GNAQ: variants seen among roughly 807,000 people sequenced by gnomAD.
GNAQ encodes the protein guanine nucleotide-binding protein G(q) subunit alpha.
Under a neutral mutation model 43.9 loss-of-function variants are expected in GNAQ, and 8 were observed. The ratio of observed to expected loss-of-function variants is 0.18; its 90% confidence interval spans 0.11 to 0.33. The LOEUF is 0.33. Ranked by LOEUF, GNAQ falls within the 10% of genes least tolerant of loss-of-function variation. The pLI is 1.00. For missense variants in GNAQ, 158 were observed against 450.8 expected (o/e 0.35, Z 5.88); for synonymous variants, 155 against 170.7 (o/e 0.91, Z 0.71).
chr9:78,019,581 C>G (rs892346463), intron 1 of GNAQ, among the ~76,000 whole-genome samples: 1 of 152,076 alleles, frequency 6.6e-6, no homozygotes, highest in Non-Finnish European at 1.5e-5. Context: ...TCAAATTAAC[C>G]AAAACATATG....
chr9:77,828,783 C>T (rs535995228), intron 2 of GNAQ, among the ~76,000 whole-genome samples: 20 of 152,094 alleles, frequency 1.3e-4, no homozygotes, highest in Non-Finnish European at 2.5e-4. Context: ...AGTTGGAAGG[C>T]CTGGGGGAGC....
At chr9:77,779,549 A>C (rs1826355819) in intron 5 of GNAQ, among the ~76,000 whole-genome samples, 1 of 151,726 alleles carries the variant, frequency 6.6e-6, no homozygotes, top group Non-Finnish European at 1.5e-5. Context: ...GAAAATAAGT[A>C]ATAAAATTTA....
At chr9:77,798,632 T>C (rs1371286911) in intron 3 of GNAQ, among the ~76,000 whole-genome samples, 1 of 152,160 alleles carries the variant, frequency 6.6e-6, no homozygotes, top group Non-Finnish European at 1.5e-5. Flanking sequence ...GTCCTCCATA[T>C]AAAATGGAAC....
At chr9:77,799,705 T>G (rs1826713128) in intron 3 of GNAQ, among the ~76,000 whole-genome samples, 1 of 152,216 alleles carries the variant, frequency 6.6e-6, no homozygotes, top group Non-Finnish European at 1.5e-5. Context: ...ATAAAATTAC[T>G]GCTTCTTTGG....
chr9:77,773,484 T>C (rs1826260825), intron 5 of GNAQ, among the ~76,000 whole-genome samples: 1 of 152,244 alleles, frequency 6.6e-6, no homozygotes, highest in Non-Finnish European at 1.5e-5. Flanking sequence ...CTTCACATTA[T>C]GAGGGAGGCA....
intron 1 of GNAQ, among the ~76,000 whole-genome samples, chr9:77,960,817 TAAG>T (rs1327528979): frequency 6.6e-6 from 1 of 151,910 alleles, no homozygotes; most frequent in Non-Finnish European, 1.5e-5. Context: ...AACAGAAAAA[TAAG>T]AAACTTAAGA....
At chr9:78,008,593 TCA>T (rs1823734618) in intron 1 of GNAQ, among the ~76,000 whole-genome samples, 3 of 151,376 alleles carry the variant, frequency 2.0e-5, no homozygotes, top group African/African-American at 7.4e-5. Flanking sequence ...TCATTTCATT[TCA>T]TTTCATTTCA....
At chr9:77,887,940 G>A (rs1828339038) in intron 2 of GNAQ, among the ~76,000 whole-genome samples, 1 of 152,150 alleles carries the variant, frequency 6.6e-6, no homozygotes, top group African/African-American at 2.4e-5. Flanking sequence ...AATTATTCTA[G>A]ATCAGTAGTT....
At chr9:77,752,292 T>C (rs1825824803) in intron 5 of GNAQ, among the ~76,000 whole-genome samples, 1 of 152,212 alleles carries the variant, frequency 6.6e-6, no homozygotes, top group African/African-American at 2.4e-5. Context: ...CTTGAAAAGC[T>C]GAAAAAGGTT....
chr9:77,908,628 T>C (rs1336147001), intron 2 of GNAQ, among the ~76,000 whole-genome samples: 1 of 152,216 alleles, frequency 6.6e-6, no homozygotes, highest in East Asian at 1.9e-4. Context: ...TCTCCTCACA[T>C]TTCCGACAAG....
intron 2 of GNAQ, among the ~76,000 whole-genome samples, chr9:77,869,027 G>T (rs892527214): frequency 6.6e-6 from 1 of 151,852 alleles, no homozygotes; most frequent in Non-Finnish European, 1.5e-5. Context: ...AAACACCAGG[G>T]GACAAGTTAT....
chr9:78,007,239 T>C (rs1040749950), intron 1 of GNAQ, among the ~76,000 whole-genome samples: 5 of 150,992 alleles, frequency 3.3e-5, no homozygotes, highest in African/African-American at 1.2e-4. Context: ...TTGTCCCTTA[T>C]CTTTCATTTT....
chr9:77,773,217 A>T (rs1826253768), intron 5 of GNAQ, among the ~76,000 whole-genome samples: 1 of 152,238 alleles, frequency 6.6e-6, no homozygotes, highest in African/African-American at 2.4e-5. Flanking sequence ...TTATTTAACA[A>T]ATAATGATTA....
At chr9:77,898,002 TG>T (rs1214704764) in intron 2 of GNAQ, among the ~76,000 whole-genome samples, 1 of 150,444 alleles carries the variant, frequency 6.6e-6, no homozygotes, top group Non-Finnish European at 1.5e-5. Flanking sequence ...GAAAGTGAAT[TG>T]TAAGAAGGGC....
intron 5 of GNAQ, among the ~76,000 whole-genome samples, chr9:77,779,908 C>T (rs1004517337): frequency 4.6e-5 from 7 of 151,922 alleles, no homozygotes; most frequent in South Asian, 2.1e-4. Flanking sequence ...ATTCAGTAAC[C>T]GAAATGGAAC....
At chr9:77,961,531 AG>A (rs1308968747) in intron 1 of GNAQ, among the ~76,000 whole-genome samples, 4 of 152,216 alleles carry the variant, frequency 2.6e-5, no homozygotes, top group Non-Finnish European at 4.4e-5. Flanking sequence ...GGGAACACAT[AG>A]TCTGAACAAT....
intron 1 of GNAQ, among the ~76,000 whole-genome samples, chr9:77,957,430 CAGCTCT>C (rs749166593): frequency 2.6e-5 from 4 of 152,082 alleles, no homozygotes; most frequent in Non-Finnish European, 5.9e-5. Context: ...ACATCAGTTA[CAGCTCT>C]TGCTTGCCCC....
In GNAQ at chr9:77,801,793, T is replaced by A. The variant is rs563482068; in HGVS notation, c.477-4145A>T. ...ACTAAACAAAAGACATACAAACTAT[T>A]TGCTCCTAGAGTAAAATCTGGGAAG... is the stretch of plus-strand genomic sequence containing the variant. On this transcript the variant is annotated intron_variant, in intron 3 of 6. Transcript: ENST00000286548. Among the ~76,000 whole-genome samples, 11 of 152,256 alleles carry A rather than the reference T, an allele frequency of 7.2e-5. No homozygotes were observed. The South Asian group carries it at 2.1e-3, about 29-fold the overall frequency.
At chr9:78,027,557 CCTGA>C (rs1366157248) in intron 1 of GNAQ, among the ~76,000 whole-genome samples, 3 of 152,002 alleles carry the variant, frequency 2.0e-5, no homozygotes, top group Admixed American at 1.3e-4. Flanking sequence ...TCGCGACCAG[CCTGA>C]CTAACATGTT....
Sources: allele counts gnomAD v4.1 joint callset (sites outside exome capture counted in the v4.1 genomes callset), GRCh38; gene constraint gnomAD v4.1.1; transcripts MANE v1.5; gene names NCBI Gene and HGNC (gene_info 2026-07-23, HGNC 2026-07-21).